Variants in CRISPLD2 observed in about 807,000 individuals in gnomAD.
CRISPLD2 encodes cysteine-rich secretory protein LCCL domain-containing 2.
In CRISPLD2, 47 loss-of-function variants were observed where a neutral mutation model predicts 71.1. The observed-to-expected ratio is 0.66, with a 90% CI of 0.52 to 0.84. The LOEUF is 0.84. CRISPLD2 is among the 40% of genes least tolerant of loss of function. CRISPLD2 has a pLI of 0.00. For missense variants in CRISPLD2, 830 were observed against 651.1 expected (o/e 1.27, Z -2.99); for synonymous variants, 317 against 250.1 (o/e 1.27, Z -2.52).
At position 84,901,608 on chromosome 16, in the gene CRISPLD2, A is replaced by T. The variant is rs992061672; in HGVS notation, c.1440-4980A>T. ...TGCCTCAGCCTCCCGAGTAGCTGGGATTACAGGCATCTGCCACCATACCCA... is the reference window on the plus strand; with the variant it reads ...TGCCTCAGCCTCCCGAGTAGCTGGGTTTACAGGCATCTGCCACCATACCCA... On this transcript the variant is annotated intron_variant, in intron 14 of 14. Coordinates refer to ENST00000262424, the MANE Select transcript of CRISPLD2 (RefSeq NM_031476.4). Among the ~76,000 whole-genome samples the T allele has an allele frequency of 1.1e-4, 16 of 149,568 alleles. No homozygotes were observed. In the South Asian group the frequency reaches 2.5e-3, roughly 24 times the overall value.
At chr16:84,902,636 G>C (rs993072863) in intron 14 of CRISPLD2, among the ~76,000 whole-genome samples, 1 of 151,786 alleles carries the variant, frequency 6.6e-6, no homozygotes, top group Non-Finnish European at 1.5e-5. Context: ...ACAAAATTTG[G>C]ATGGGTCGTC....
Position 84,889,314 on chromosome 16 carries a change from A to T in CRISPLD2, c.1390A>T (p.Lys464Ter), listed in dbSNP as rs2071640741. 2 of 1,614,136 alleles carry T rather than the reference A, an allele frequency of 1.2e-6. No homozygotes were observed. The highest frequency in any genetic ancestry group is 4.5e-5 in the East Asian group (2 of 44,880). ...TGACGTGGACGTGATGCCCGTGGAT[A>T]AAAAGAAGACCTACGTGGGCTCGCT... ...GGDVDVMPVD[K>*]KKTYVGSLRN... The change falls in exon 14 of 15, where the codon AAA (lysine) becomes TAA (stop). Residue 464 changes from lysine to a stop codon, truncating the protein, a stop_gained. Transcript: ENST00000262424. LOFTEE classifies it high-confidence loss of function.
chr16:84,890,656 C>A (rs910918790), intron 14 of CRISPLD2, among the ~76,000 whole-genome samples: 2 of 151,954 alleles, frequency 1.3e-5, no homozygotes, highest in East Asian at 3.9e-4. Flanking sequence ...AATCCCAGCA[C>A]TGTGGGAAGC....
chr16:84,879,037 A>G (rs2071545301), intron 12 of CRISPLD2, among the ~76,000 whole-genome samples: 1 of 152,134 alleles, frequency 6.6e-6, no homozygotes, highest in Non-Finnish European at 1.5e-5. Context: ...GGTGACCCCA[A>G]GGTTCCGAGC....
rs879580261 is a variant in CRISPLD2, at chr16:84,905,400, G to GT, written c.1440-1178dup. Among the ~76,000 whole-genome samples the GT allele has an allele frequency of 2.0e-3, 304 of 149,196 alleles. 2 individuals carry two copies. Among genetic ancestry groups the GT allele is most frequent in the African/African-American group, 6.0e-3 (246 of 40,768 alleles). ...TGTTAAACTTAATAAAGTTGGTTTG[G>GT]TTTTTTTTTTGTTTTTTGAAACAGA... On this transcript the variant is annotated intron_variant, in intron 14 of 14. Coordinates refer to ENST00000262424, the MANE Select transcript of CRISPLD2 (RefSeq NM_031476.4).
chr16:84,833,381 G>A (rs1415404597), intron 1 of CRISPLD2, among the ~76,000 whole-genome samples: 5 of 152,200 alleles, frequency 3.3e-5, no homozygotes, highest in Non-Finnish European at 7.3e-5. Flanking sequence ...TCTGGCAAAA[G>A]AGAACAAAAT....
At chr16:84,858,954 A>G (rs1367569106) in intron 6 of CRISPLD2, among the ~76,000 whole-genome samples, 2 of 152,228 alleles carry the variant, frequency 1.3e-5, no homozygotes, top group Admixed American at 1.3e-4. Flanking sequence ...AGATCCATCT[A>G]TCTTCTGCAC....
intron 6 of CRISPLD2, among the ~76,000 whole-genome samples, chr16:84,862,672 CTTT>C (rs764630306): frequency 1.1e-4 from 11 of 99,184 alleles, no homozygotes; most frequent in African/African-American, 2.1e-4. Context: ...GTGGCCCAGG[CTTT>C]TTTTTTTTTT....
chr16:84,857,435 CTG>C (rs1917271764), intron 6 of CRISPLD2, among the ~76,000 whole-genome samples: 1 of 152,252 alleles, frequency 6.6e-6, no homozygotes. Flanking sequence ...CCAAATTTCT[CTG>C]TCGCCAATTT....
chr16:84,878,886 T>C (rs569050340), intron 12 of CRISPLD2, among the ~76,000 whole-genome samples: 1 of 152,298 alleles, frequency 6.6e-6, no homozygotes, highest in East Asian at 1.9e-4. Context: ...ATTGTAGAAT[T>C]AGAAATAGAA....
intron 6 of CRISPLD2, among the ~76,000 whole-genome samples, chr16:84,863,478 A>G (rs1338434006): frequency 6.6e-6 from 1 of 152,178 alleles, no homozygotes; most frequent in African/African-American, 2.4e-5. Context: ...ATAAAAAAAG[A>G]GGTATTCTCC....
chr16:84,861,173 G>C (rs893869840), intron 6 of CRISPLD2, among the ~76,000 whole-genome samples: 1 of 152,154 alleles, frequency 6.6e-6, no homozygotes, highest in African/African-American at 2.4e-5. Context: ...AGAGTCCTTA[G>C]CATTTTGGGA....
chr16:84,858,598 C>G lies in CRISPLD2; in HGVS notation c.709+3769C>G, dbSNP rs577366907. 1.2e-3 allele frequency among the ~76,000 whole-genome samples: 177 copies of G among 152,314 alleles called. 1 individual carries two copies. The highest frequency in any genetic ancestry group is 4.1e-3 in the African/African-American group (169 of 41,564). On this transcript the variant is annotated intron_variant, in intron 6 of 14. Coordinates refer to ENST00000262424, the MANE Select transcript of CRISPLD2 (RefSeq NM_031476.4). ...GTTTGCTACTTCTTGCTCACTGGAT[C>G]CAATCAGCAAAATGTCTTCAGTGCA...
rs1221014824 is a variant in CRISPLD2, at chr16:84,850,616, C to T, written c.541C>T (p.Arg181Trp). 39 of 1,613,966 alleles carry T rather than the reference C, an allele frequency of 2.4e-5. No individual in the cohort carries two copies. The Middle Eastern group carries it at 4.9e-4, about 20-fold the overall frequency. Residue 181 changes from arginine (R) to tryptophan (W), a missense_variant, in exon 5 of 15, where the codon CGG becomes TGG. Physicochemically the swap from Arg to Trp is moderately radical, Grantham distance 101. Coordinates refer to ENST00000262424, the MANE Select transcript of CRISPLD2 (RefSeq NM_031476.4). ...GATCGGTTGTGCTGTGAACACCTGC[C>T]GGAAGATGACTGTCTGGGGAGAAGT... is the stretch of plus-strand genomic sequence containing the variant. The part of the protein sequence containing the change: ...NKIGCAVNTC[R>W]KMTVWGEVWE...
At position 84,830,596 on chromosome 16, in the gene CRISPLD2, C is replaced by G. The variant is rs527881400; in HGVS notation, c.-74-7826C>G. Among the ~76,000 whole-genome samples, 33 of 151,936 alleles carry G rather than the reference C, an allele frequency of 2.2e-4. No individual in the cohort carries two copies. In the East Asian group the frequency reaches 6.2e-3, roughly 28 times the overall value. On this transcript the variant is annotated intron_variant, in intron 1 of 14. Transcript: ENST00000262424. The stretch of plus-strand genomic sequence containing the variant: ...CATGCACCTCTAGTCCCAGCTACTC[C>G]GGAGGTTGAGACAGGAGAATTGCTT...
In CRISPLD2 at chr16:84,906,809, C is replaced by T. The variant is rs972373667; in HGVS notation, c.*167C>T. 13 of 790,576 alleles carry T rather than the reference C, an allele frequency of 1.6e-5. No homozygotes were observed. The highest frequency in any genetic ancestry group is 3.4e-5 in the African/African-American group (2 of 58,650). The allele number at this position is 790,576 out of a possible 1,614,324, so 49.0% of individuals were successfully genotyped here. ...TGGGTGAGGTGACATCTCATCCCCTCACTGAAGCAACAGCATCCCAAGGTG... is the reference window on the plus strand; with the variant it reads ...TGGGTGAGGTGACATCTCATCCCCTTACTGAAGCAACAGCATCCCAAGGTG... On this transcript the variant is annotated 3_prime_UTR_variant, in exon 15 of 15. Transcript: ENST00000262424.
intron 13 of CRISPLD2, among the ~76,000 whole-genome samples, chr16:84,882,921 G>T (rs551229919): frequency 1.3e-5 from 2 of 152,306 alleles, no homozygotes; most frequent in South Asian, 4.2e-4. Context: ...TGCCTTGCTT[G>T]ATGTTACCTG....
intron 1 of CRISPLD2, among the ~76,000 whole-genome samples, chr16:84,824,142 G>T (rs1916294198): frequency 6.6e-6 from 1 of 152,152 alleles, no homozygotes; most frequent in African/African-American, 2.4e-5. Flanking sequence ...AGCTGGCGAG[G>T]GTGCCCCAGG....
intron 12 of CRISPLD2, among the ~76,000 whole-genome samples, chr16:84,879,629 T>G (rs1011159869): frequency 4.6e-5 from 7 of 152,082 alleles, no homozygotes; most frequent in Non-Finnish European, 1.0e-4. Context: ...CCCAAAGTGC[T>G]GGGATCACAG....
Sources: allele counts gnomAD v4.1 joint callset (sites outside exome capture counted in the v4.1 genomes callset), GRCh38; gene constraint gnomAD v4.1.1; transcripts MANE v1.5; gene names NCBI Gene and HGNC (gene_info 2026-07-23, HGNC 2026-07-21).